The following DPP10 variants were observed in gnomAD, a reference collection of about 807,000 sequenced individuals.
DPP10 encodes inactive dipeptidyl peptidase 10.
A neutral mutation model predicts 120.9 loss-of-function variants in DPP10; 33 were observed. The observed-to-expected ratio is 0.27, with a 90% CI of 0.21 to 0.37. The LOEUF is 0.37. Ranked by LOEUF, DPP10 falls within the 10% of genes least tolerant of loss-of-function variation. The pLI is 1.00. For synonymous variants in DPP10, 337 were observed against 326.1 expected, an observed-to-expected ratio of 1.03 and a Z score of -0.36; for missense variants, 816 against 942.8, an observed-to-expected ratio of 0.87 and a Z score of 1.76.
chr2:114,562,881 G>T (rs1476687760), intron 1 of DPP10, among the ~76,000 whole-genome samples: 1 of 152,096 alleles, frequency 6.6e-6, no homozygotes, highest in Admixed American at 6.5e-5. Context: ...TTTGGTGTAT[G>T]TTTAGAATTT....
At chr2:115,333,585 T>G (rs534921041) in intron 2 of DPP10, among the ~76,000 whole-genome samples, 42 of 152,290 alleles carry the variant, frequency 2.8e-4, no homozygotes, top group Non-Finnish European at 4.4e-4. Flanking sequence ...CCATGTTTAG[T>G]GCTTCCTTCA....
intron 3 of DPP10, among the ~76,000 whole-genome samples, chr2:115,478,603 G>A (rs1206648505): frequency 6.6e-6 from 1 of 152,092 alleles, no homozygotes; most frequent in African/African-American, 2.4e-5. Context: ...ATCATCCACA[G>A]AGCCATAAGG....
chr2:114,950,772 A>G (rs937842115), intron 1 of DPP10, among the ~76,000 whole-genome samples: 4 of 152,150 alleles, frequency 2.6e-5, no homozygotes, highest in Admixed American at 2.0e-4. Context: ...GGTTTCAAAC[A>G]CTGAAAAATG....
At chr2:115,751,296 T>A (rs1478103278) in intron 10 of DPP10, among the ~76,000 whole-genome samples, 2 of 152,176 alleles carry the variant, frequency 1.3e-5, no homozygotes, top group African/African-American at 2.4e-5. Context: ...CTAAATATAA[T>A]GGTGTATGCA....
At chr2:115,637,190 G>A (rs573423540) in intron 5 of DPP10, among the ~76,000 whole-genome samples, 2 of 152,142 alleles carry the variant, frequency 1.3e-5, no homozygotes, top group South Asian at 4.2e-4. Context: ...AATTATATTG[G>A]CAAAAATGTG....
At chr2:115,500,591 A>G (rs1334914507) in intron 4 of DPP10, among the ~76,000 whole-genome samples, 1 of 152,044 alleles carries the variant, frequency 6.6e-6, no homozygotes, top group Non-Finnish European at 1.5e-5. Context: ...GTGATTATAT[A>G]TGTATATCAT....
intron 5 of DPP10, among the ~76,000 whole-genome samples, chr2:115,633,934 TCA>T (rs2086105826): frequency 1.3e-5 from 2 of 152,340 alleles, no homozygotes; most frequent in South Asian, 4.2e-4. Context: ...AGTCATAGGT[TCA>T]GTCTTTTTAC....
intron 1 of DPP10, among the ~76,000 whole-genome samples, chr2:114,884,425 C>T (rs1691887384): frequency 1.3e-5 from 2 of 152,178 alleles, no homozygotes; most frequent in African/African-American, 4.8e-5. Flanking sequence ...CTTTTTCTTG[C>T]TTTTCCAGCT....
intron 3 of DPP10, among the ~76,000 whole-genome samples, chr2:115,469,297 T>G (rs1281967846): frequency 2.0e-5 from 3 of 152,232 alleles, no homozygotes; most frequent in African/African-American, 7.2e-5. Context: ...GAAATTATTC[T>G]AAAATGAAAT....
chr2:114,481,191 T>C (rs933447587), intron 1 of DPP10, among the ~76,000 whole-genome samples: 10 of 152,046 alleles, frequency 6.6e-5, no homozygotes, highest in African/African-American at 2.4e-4. Flanking sequence ...AATGAAGGAC[T>C]AGTGTCTAGT....
Position 114,932,110 on chromosome 2 carries a change from T to A in DPP10, c.61-377129T>A, listed in dbSNP as rs550671031. Among the ~76,000 whole-genome samples the A allele has an allele frequency of 2.0e-5, 3 of 152,340 alleles. No homozygotes were observed. In the South Asian group the frequency reaches 6.2e-4, roughly 32 times the overall value. On this transcript the variant is annotated intron_variant, in intron 1 of 25. Coordinates refer to ENST00000410059, the MANE Select transcript of DPP10 (RefSeq NM_020868.6). ...AAGTGTCGTCCCCAGAAAAGCAGCA[T>A]CTGTGTGTCCTAGAAACATCGGAAA...
intron 1 of DPP10, among the ~76,000 whole-genome samples, chr2:114,488,100 T>C (rs949409397): frequency 4.6e-5 from 7 of 152,224 alleles, no homozygotes; most frequent in Non-Finnish European, 1.0e-4. Flanking sequence ...ATTTCAACTA[T>C]TTAAATTTTG....
chr2:115,793,517 G>T (rs1684217660), intron 19 of DPP10, among the ~76,000 whole-genome samples: 1 of 151,814 alleles, frequency 6.6e-6, no homozygotes, highest in Non-Finnish European at 1.5e-5. Flanking sequence ...TTGCTTTTCT[G>T]CCAACCTAAT....
intron 1 of DPP10, among the ~76,000 whole-genome samples, chr2:115,201,637 A>G (rs753414642): frequency 4.3e-4 from 66 of 152,196 alleles, no homozygotes; most frequent in Non-Finnish European, 7.5e-4. Context: ...AACAAGAATG[A>G]TTCTTTGTCA....
At chr2:115,559,304 G>A (rs2080418354) in intron 5 of DPP10, among the ~76,000 whole-genome samples, 1 of 152,104 alleles carries the variant, frequency 6.6e-6, no homozygotes, top group South Asian at 2.1e-4. Context: ...CAGAAACATT[G>A]TGAAATCCTC....
intron 1 of DPP10, among the ~76,000 whole-genome samples, chr2:114,789,167 T>TACAGATACTTG (rs11273617): frequency 2.0e-5 from 3 of 152,042 alleles, no homozygotes; most frequent in South Asian, 2.1e-4. Context: ...GCGCCATCAC[T>TACAGATACTTG]GGGATAGTTT....
At chr2:115,511,731 C>CTTCTT (rs1553436011) in intron 4 of DPP10, among the ~76,000 whole-genome samples, 3 of 82,608 alleles carry the variant, frequency 3.6e-5, no homozygotes, top group African/African-American at 6.0e-5. Context: ...TCTTCTTCTT[C>CTTCTT]TTTTTTTTTT....
chr2:114,903,066 A>T (rs1693706693), intron 1 of DPP10, among the ~76,000 whole-genome samples: 1 of 152,070 alleles, frequency 6.6e-6, no homozygotes, highest in Non-Finnish European at 1.5e-5. Flanking sequence ...TAGACTTTTT[A>T]TTGGCTTCTT....
chr2:115,535,766 G>C (rs376807439), intron 5 of DPP10, among the ~76,000 whole-genome samples: 1 of 151,778 alleles, frequency 6.6e-6, no homozygotes. Flanking sequence ...TCTTCCATTT[G>C]TTTGTATCCT....
Sources: gnomAD v4.1 joint callset for allele counts (sites outside exome capture counted in the v4.1 genomes callset) on GRCh38, gnomAD v4.1.1 for gene constraint, MANE v1.5 for transcripts, NCBI Gene and HGNC (gene_info 2026-07-23, HGNC 2026-07-21) for gene names.